The following SOX6 variants were observed in gnomAD, a reference collection of about 807,000 sequenced individuals.
The protein encoded by SOX6 is SRY-box transcription factor 6.
A neutral mutation model predicts 97.8 loss-of-function variants in SOX6; 11 were observed. That is an observed-to-expected ratio of 0.11 (90% CI 0.07 to 0.19). The LOEUF (loss-of-function observed/expected upper bound fraction) is 0.19, where lower values mean the gene tolerates loss of function less well. SOX6 is among the 10% of genes least tolerant of loss of function. The probability of loss-of-function intolerance (pLI) is 1.00; values close to 1 mark genes in which losing one functional copy is unlikely to be tolerated. For missense variants in SOX6, 810 were observed against 1,039.5 expected (o/e 0.78, Z 3.04); for synonymous variants, 360 against 371.4 (o/e 0.97, Z 0.35).
At chr11:16,307,106 G>A (rs1855465293) in intron 3 of SOX6, among the ~76,000 whole-genome samples, 1 of 152,168 alleles carries the variant, frequency 6.6e-6, no homozygotes, top group South Asian at 2.1e-4. Context: ...CCATGGCAGA[G>A]AAGAGTAAAG....
At chr11:16,267,412 C>T (rs775761369) in intron 3 of SOX6, among the ~76,000 whole-genome samples, 10 of 151,468 alleles carry the variant, frequency 6.6e-5, no homozygotes, top group African/African-American at 1.5e-4. Context: ...CAAAAGAAGG[C>T]GTATAAGTGG....
chr11:16,421,010 A>C (rs1859010458), intron 1 of SOX6, among the ~76,000 whole-genome samples: 1 of 152,210 alleles, frequency 6.6e-6, no homozygotes, highest in Non-Finnish European at 1.5e-5. Context: ...TATTCAGATA[A>C]CGAAGAGAAT....
At chr11:16,631,525 T>C (rs1413663826) in intron 3 of SOX6, among the ~76,000 whole-genome samples, 1 of 152,216 alleles carries the variant, frequency 6.6e-6, no homozygotes, top group Non-Finnish European at 1.5e-5. Flanking sequence ...TTCTTTAGCA[T>C]TGACCTTGGA....
At chr11:16,084,939 C>T (rs1231337091) in intron 9 of SOX6, among the ~76,000 whole-genome samples, 2 of 152,076 alleles carry the variant, frequency 1.3e-5, no homozygotes, top group African/African-American at 2.4e-5. Flanking sequence ...TTAAGAAATG[C>T]CTCTTTATCA....
intron 3 of SOX6, among the ~76,000 whole-genome samples, chr11:16,712,714 C>T (rs1402498175): frequency 6.6e-6 from 1 of 152,150 alleles, no homozygotes; most frequent in Non-Finnish European, 1.5e-5. Flanking sequence ...CAGACCCACA[C>T]CATACTGTCA....
At chr11:16,256,229 T>C (rs1590068450) in intron 3 of SOX6, among the ~76,000 whole-genome samples, 1 of 151,900 alleles carries the variant, frequency 6.6e-6, no homozygotes, top group East Asian at 1.9e-4. Context: ...ATATCAAAAC[T>C]AGACAAGGAT....
At chr11:16,240,925 T>G (rs1267840783) in intron 3 of SOX6, among the ~76,000 whole-genome samples, 1 of 152,140 alleles carries the variant, frequency 6.6e-6, no homozygotes, top group African/African-American at 2.4e-5. Context: ...AACATAGGTT[T>G]GATTGTCCCC....
intron 4 of SOX6, among the ~76,000 whole-genome samples, chr11:16,609,237 G>A (rs1427336532): frequency 6.6e-6 from 1 of 152,196 alleles, no homozygotes; most frequent in Non-Finnish European, 1.5e-5. Flanking sequence ...CACAAGGTGA[G>A]GTTGGCCTGC....
intron 1 of SOX6, among the ~76,000 whole-genome samples, chr11:16,405,161 T>A (rs1425199326): frequency 6.6e-6 from 1 of 151,986 alleles, no homozygotes; most frequent in Non-Finnish European, 1.5e-5. Flanking sequence ...CAGCTTCTGT[T>A]ATACTCTGCC....
intron 1 of SOX6, among the ~76,000 whole-genome samples, chr11:16,395,944 G>T (rs1231560888): frequency 3.3e-5 from 5 of 151,682 alleles, no homozygotes; most frequent in Admixed American, 3.3e-4. Flanking sequence ...ATTGTTTAAA[G>T]AATTAATGAA....
At chr11:16,581,424 G>A (rs1274101186) in intron 4 of SOX6, among the ~76,000 whole-genome samples, 1 of 152,088 alleles carries the variant, frequency 6.6e-6, no homozygotes, top group Non-Finnish European at 1.5e-5. Flanking sequence ...CACAGGGAGA[G>A]GAACAACACA....
rs1854031849 is a variant in SOX6, at chr11:16,265,001, A to AG, written c.446-30331dup. On this transcript the variant is annotated intron_variant, in intron 3 of 15. Coordinates refer to ENST00000683767, the MANE Select transcript of SOX6 (RefSeq NM_001367873.1). Reference sequence around the variant, plus strand: ...AGCTTACTGCCTGGAGAGAGTTTCCAGGCTACAGTACAAGGCAGAAGAACT... The same window carrying AG: ...AGCTTACTGCCTGGAGAGAGTTTCCAGGGCTACAGTACAAGGCAGAAGAACT... Among the ~76,000 whole-genome samples, 3 of 151,866 alleles carry AG rather than the reference A, an allele frequency of 2.0e-5. No individual in the cohort carries two copies. In the South Asian group the frequency reaches 6.2e-4, roughly 31 times the overall value.
chr11:16,385,398 A>G (rs1244229108), intron 1 of SOX6, among the ~76,000 whole-genome samples: 3 of 152,096 alleles, frequency 2.0e-5, no homozygotes, highest in African/African-American at 7.2e-5. Context: ...ATATTTTATA[A>G]TAAAAAGAGG....
At position 16,521,997 on chromosome 11, in the gene SOX6, C is replaced by T. The variant is rs1198477181; in HGVS notation, n.610-45609G>A. On this transcript the variant is annotated intron_variant and non_coding_transcript_variant, in intron 4 of 5. Coordinates refer to the SOX6 transcript ENST00000524520. ...GGACTATGTGAAAAGACCAAATCTA[C>T]GTCTGATTCGTGTACCTGAAAGTGA... 3.3e-5 allele frequency among the ~76,000 whole-genome samples: 5 copies of T among 152,132 alleles called. No homozygotes were observed. In the East Asian group the frequency reaches 5.8e-4, roughly 18 times the overall value.
rs1206603604 is a variant in SOX6, at chr11:16,404,213, AT to A, written c.-4-62962del. Among the ~76,000 whole-genome samples the A allele has an allele frequency of 2.3e-4, 35 of 152,016 alleles. 1 individual carries two copies. The highest frequency in any genetic ancestry group is 4.1e-4 in the South Asian group (2 of 4,830). ...TGAAATCTGCATTATATAAAAATGT[AT>A]TAAATTGTAAATAAGACCTCTTGCT... is the stretch of plus-strand genomic sequence containing the variant. On this transcript the variant is annotated intron_variant, in intron 1 of 15. Transcript: ENST00000396356.
chr11:16,632,424 T>C (rs72632980), intron 3 of SOX6, among the ~76,000 whole-genome samples: 21,036 of 152,186 alleles, frequency 0.14, 1,786 homozygotes, highest in Middle Eastern at 0.32. Flanking sequence ...TTTTAGCTTG[T>C]CTGGAAAATA....
intron 1 of SOX6, among the ~76,000 whole-genome samples, chr11:16,354,383 T>A (rs150551254): frequency 6.6e-6 from 1 of 151,946 alleles, no homozygotes; most frequent in African/African-American, 2.4e-5. Context: ...TAAATAAAAA[T>A]TCCACGGAAT....
chr11:16,591,927 C>T (rs1848158036), intron 4 of SOX6, among the ~76,000 whole-genome samples: 1 of 152,062 alleles, frequency 6.6e-6, no homozygotes, highest in South Asian at 2.1e-4. Context: ...AACTTAGAAT[C>T]AGATCTTTAA....
intron 3 of SOX6, among the ~76,000 whole-genome samples, chr11:16,639,128 C>A (rs1848847604): frequency 6.6e-6 from 1 of 152,218 alleles, no homozygotes; most frequent in Non-Finnish European, 1.5e-5. Flanking sequence ...CAGCTTTCTA[C>A]ATATGGCTAG....
Sources: gnomAD v4.1 joint callset for allele counts (sites outside exome capture counted in the v4.1 genomes callset) on GRCh38, gnomAD v4.1.1 for gene constraint, MANE v1.5 for transcripts, NCBI Gene and HGNC (gene_info 2026-07-23, HGNC 2026-07-21) for gene names.